The following MXRA8 variants were observed in gnomAD, a reference collection of about 807,000 sequenced individuals.
MXRA8 encodes matrix remodeling associated 8.
A neutral mutation model predicts 51.4 loss-of-function variants in MXRA8; 44 were observed. The observed-to-expected ratio is 0.86, with a 90% CI of 0.67 to 1.10. The LOEUF (loss-of-function observed/expected upper bound fraction) is 1.10. MXRA8 is among the 50% of genes least tolerant of loss of function. MXRA8 has a pLI of 0.00. For synonymous variants in MXRA8, 369 were observed against 293.5 expected, an observed-to-expected ratio of 1.26 and a Z score of -2.63; for missense variants, 765 against 638.9, an observed-to-expected ratio of 1.20 and a Z score of -2.13.
At chr1:1,355,423 C>T (rs1325276408) in intron 3 of MXRA8, 27 bp downstream of exon 3, 4 of 1,486,352 alleles carry the variant, frequency 2.7e-6, no homozygotes, top group East Asian at 2.8e-5. Flanking sequence ...GCCCCGACCC[C>T]GCGGCCCCGG....
chr1:1,353,627 A>C lies in MXRA8; in HGVS notation c.1306T>G (p.Phe436Val), dbSNP rs1413097346. The change falls in exon 10 of 10, where the codon TTC (phenylalanine) becomes GTC (valine). Residue 436 changes from phenylalanine to valine, a missense_variant and splice_region_variant. By Grantham distance (50) the Phe-to-Val change is conservative (BLOSUM62 -1). Coordinates refer to ENST00000309212, the MANE Select transcript of MXRA8 (RefSeq NM_032348.4). ...CCCTATTTGCAGTTCTCCTTCCGGA[A>C]CCCTGGAAGCCAAGGGCGCCAACGG... is the stretch of plus-strand genomic sequence containing the variant. ...PAKYIDLDKGFRKENCK is the reference protein window; with the variant it reads ...PAKYIDLDKGVRKENCK 1 of 1,563,902 alleles carries C rather than the reference A, an allele frequency of 6.4e-7. No individual in the cohort carries two copies. The highest frequency in any genetic ancestry group is 8.7e-7 in the Non-Finnish European group (1 of 1,153,334).
chr1:1,354,512 G>C lies in MXRA8; in HGVS notation c.950-3C>G. The C allele has an allele frequency of 6.2e-7, 1 of 1,610,534 alleles. No homozygotes were observed. Among genetic ancestry groups the C allele is most frequent in the Non-Finnish European group, 8.5e-7 (1 of 1,178,836 alleles). On this transcript the variant is annotated splice_region_variant and splice_polypyrimidine_tract_variant and intron_variant, in intron 5 of 9. Transcript: ENST00000309212. ...GTGGCCGCGCGCCAGTGTGGGGTCT[G>C]CGGGGAACGCGGGGTCGGGGCGGCG...
chr1:1,357,836 A>G (rs905840349), intron 1 of MXRA8, among the ~76,000 whole-genome samples: 4 of 152,138 alleles, frequency 2.6e-5, no homozygotes, highest in African/African-American at 9.7e-5. Flanking sequence ...GGAAACCTGT[A>G]TGCAGAACGC....
intron 2 of MXRA8, 22 bp downstream of exon 2, chr1:1,356,659 A>C (rs1286855967): frequency 7.6e-7 from 1 of 1,312,350 alleles, no homozygotes; most frequent in Middle Eastern, 2.9e-4. Flanking sequence ...GGGGGTGGGC[A>C]GCTGGGGCTG....
chr1:1,358,571 C>A, upstream of MXRA8: 3 of 1,561,014 alleles, frequency 1.9e-6, no homozygotes, highest in Non-Finnish European at 2.6e-6. Context: ...AACAGCCCTA[C>A]CCCCTCCCCC....
upstream of MXRA8, chr1:1,361,412 T>A: frequency 1.5e-6 from 1 of 672,688 alleles, no homozygotes; most frequent in Non-Finnish European, 2.7e-6. Flanking sequence ...CTGTGCTGCA[T>A]GTGGTGGAGG....
rs1644058198 is a variant in MXRA8, at chr1:1,353,905, C to T, written c.1246G>A (p.Glu416Lys). 2.5e-6 allele frequency: 4 copies of T among 1,609,716 alleles called. No individual in the cohort carries two copies. Among genetic ancestry groups the T allele is most frequent in the South Asian group, 1.1e-5 (1 of 90,554 alleles). The stretch of plus-strand genomic sequence containing the variant: ...GGGCTGTGGGCCAGCTCCGCCCTCT[C>T]CTTCAGGATGTTGTTTTTGTAATCT... The part of the protein sequence containing the change: ...QLDYKNNILK[E>K]RAELAHSPLP... The change falls in exon 9 of 10, where the codon GAG (glutamate) becomes AAG (lysine). Residue 416 changes from glutamate (E) to lysine (K), a missense_variant. Coordinates refer to ENST00000309212, the MANE Select transcript of MXRA8 (RefSeq NM_032348.4).
chr1:1,355,565 G>C lies in MXRA8; in HGVS notation c.261C>G (p.Arg87=). 1 of 1,481,220 alleles carries C rather than the reference G, an allele frequency of 6.8e-7. No homozygotes were observed. Among genetic ancestry groups the C allele is most frequent in the Non-Finnish European group, 8.9e-7 (1 of 1,123,696 alleles). The allele number at this position is 1,481,220 out of a possible 1,614,324, so 91.8% of individuals were successfully genotyped here. Residue 87 remains arginine, a synonymous_variant, in exon 3 of 10, where the codon CGC becomes CGG. Transcript: ENST00000309212. ...LRGPGGGPAR[R]LLDLYSAGEQ... ...CGCCCGCCGAGTACAAGTCCAGCAG[G>C]CGCCGCGCGGGGCCACCCCCGGGGC...
Position 1,353,832 on chromosome 1 carries a change from C to A in MXRA8, c.1303+16G>T, listed in dbSNP as rs764395197. 3.3e-5 allele frequency: 52 copies of A among 1,558,650 alleles called. No homozygotes were observed. Among genetic ancestry groups the A allele is most frequent in the Non-Finnish European group, 4.5e-5 (52 of 1,151,116 alleles). On this transcript the variant is annotated intron_variant, in intron 9 of 9. Transcript: ENST00000309212. ...GCAGGGCTCTGAGATGGGCTGAGGTCGCCCCCGCCGCTCACCTTTGTCTAG... is the reference window on the plus strand; with the variant it reads ...GCAGGGCTCTGAGATGGGCTGAGGTAGCCCCCGCCGCTCACCTTTGTCTAG...
upstream of MXRA8, among the ~76,000 whole-genome samples, chr1:1,360,175 C>T (rs541918863): frequency 1.1e-4 from 16 of 152,228 alleles, no homozygotes; most frequent in Non-Finnish European, 8.8e-5. Context: ...TCTGCAGGGC[C>T]GTCCCTCTCC....
At chr1:1,356,351 C>A in intron 2 of MXRA8, among the ~76,000 whole-genome samples, 1 of 92,688 alleles carries the variant, frequency 1.1e-5, no homozygotes, top group Non-Finnish European at 2.1e-5. Flanking sequence ...GGGAAGGGGA[C>A]TCAGTAGGGG....
chr1:1,354,111 A>C lies in MXRA8; in HGVS notation c.1146-5T>G. The C allele has an allele frequency of 6.2e-7, 1 of 1,610,166 alleles. No homozygotes were observed. Among genetic ancestry groups the C allele is most frequent in the Non-Finnish European group, 8.5e-7 (1 of 1,178,576 alleles). On this transcript the variant is annotated splice_region_variant and splice_polypyrimidine_tract_variant and intron_variant, in intron 7 of 9. Coordinates refer to ENST00000309212, the MANE Select transcript of MXRA8 (RefSeq NM_032348.4). ...TCCGCCAAGTTAACATCCTTCCTGG[A>C]TGGCGAGGGTGGGAGGAGGTTACAG... is the stretch of plus-strand genomic sequence containing the variant.
Position 1,355,643 on chromosome 1 carries a change from C to T in MXRA8, c.183G>A (p.Trp61Ter). 1 of 1,444,070 alleles carries T rather than the reference C, an allele frequency of 6.9e-7. No homozygotes were observed. Among genetic ancestry groups the T allele is most frequent in the Non-Finnish European group, 9.1e-7 (1 of 1,102,864 alleles). 89.5% of individuals were successfully genotyped at this position (1,444,070 alleles called of 1,614,324 possible). Residue 61 changes from tryptophan to a stop codon, truncating the protein, a stop_gained, in exon 3 of 10, where the codon TGG (tryptophan) becomes TGA (stop). Coordinates refer to ENST00000309212, the MANE Select transcript of MXRA8 (RefSeq NM_032348.4). LOFTEE classifies it high-confidence loss of function. ...GGCGGTCGTGCAGCCGGTCCTGGGT[C>T]CACACCATGCGCGGGCTCTGGCAGC... ...VLRCQSPRMV[W>*]TQDRLHDRQR... is the part of the protein sequence containing the mutation.
At position 1,358,481 on chromosome 1, in the gene MXRA8, C is replaced by A. The variant is rs1218658512; in HGVS notation, c.24G>T (p.Leu8=). The A allele has an allele frequency of 6.2e-7, 1 of 1,613,326 alleles. No homozygotes were observed. Among genetic ancestry groups the A allele is most frequent in the African/African-American group, 1.3e-5 (1 of 74,936 alleles). ...TCTGCAGAAGCACAAGTTTCCAAAGCAGGATTCGGGATGGCAGCGCCATGG... is the reference window on the plus strand; with the variant it reads ...TCTGCAGAAGCACAAGTTTCCAAAGAAGGATTCGGGATGGCAGCGCCATGG... The part of the protein sequence containing the change: MALPSRI[L]LWKLVLLQSS... Residue 8 remains leucine (L), a synonymous_variant, in exon 1 of 10, where the codon CTG becomes CTT. Coordinates refer to ENST00000309212, the MANE Select transcript of MXRA8 (RefSeq NM_032348.4).
upstream of MXRA8, chr1:1,358,618 C>T: frequency 2.0e-6 from 3 of 1,467,938 alleles, no homozygotes; most frequent in Non-Finnish European, 2.7e-6. Flanking sequence ...GAGGCCTGGG[C>T]CTGTCTACGG....
In MXRA8 at chr1:1,352,807, C is replaced by T. The variant is rs186213995; in HGVS notation, c.*797G>A. ...AAACCAACTTCACTCCCTCCCCTGTCCTCAGCCAGTACAGAAGCCAAATGT... is the reference window on the plus strand; with the variant it reads ...AAACCAACTTCACTCCCTCCCCTGTTCTCAGCCAGTACAGAAGCCAAATGT... On this transcript the variant is annotated 3_prime_UTR_variant, in exon 10 of 10. Coordinates refer to ENST00000309212, the MANE Select transcript of MXRA8 (RefSeq NM_032348.4). The T allele has an allele frequency of 3.7e-4, 73 of 198,986 alleles. No individual in the cohort carries two copies. Among genetic ancestry groups the T allele is most frequent in the Admixed American group, 3.4e-3 (55 of 16,038 alleles). The allele number at this position is 198,986 out of a possible 1,614,324, so 12.3% of individuals were successfully genotyped here.
chr1:1,358,688 C>G (rs1401836544), upstream of MXRA8: 8 of 1,399,166 alleles, frequency 5.7e-6, no homozygotes, highest in African/African-American at 8.9e-5. Context: ...TCGTTGCTGG[C>G]CTGCTGGGGA....
intron 2 of MXRA8, among the ~76,000 whole-genome samples, chr1:1,356,338 G>C (rs1351725312): frequency 2.1e-5 from 3 of 142,450 alleles, no homozygotes; most frequent in Non-Finnish European, 4.6e-5. Flanking sequence ...GAGGGCCCTG[G>C]TGGGGAAGGG....
At chr1:1,359,958 C>G (rs1420123680), upstream of MXRA8, among the ~76,000 whole-genome samples, 1 of 152,134 alleles carries the variant, frequency 6.6e-6, no homozygotes, top group African/African-American at 2.4e-5. Flanking sequence ...TGTCTGTCTC[C>G]GTCGCACACT....
Sources: allele counts gnomAD v4.1 joint callset (sites outside exome capture counted in the v4.1 genomes callset), GRCh38; gene constraint gnomAD v4.1.1; transcripts MANE v1.5; gene names NCBI Gene and HGNC (gene_info 2026-07-23, HGNC 2026-07-21).